RPA3: variants seen among roughly 807,000 people sequenced by gnomAD.
RPA3 encodes the protein replication protein A 14 kDa subunit.
A neutral mutation model predicts 13.7 loss-of-function variants in RPA3; 24 were observed. The ratio of observed to expected loss-of-function variants is 1.75; its 90% confidence interval spans 1.27 to 2.46. RPA3 has a LOEUF of 2.46. Ranked by LOEUF, RPA3 falls within the 30% of genes most tolerant of loss-of-function variation. RPA3 has a pLI of 0.00. For missense variants in RPA3, 183 were observed against 151.0 expected (o/e 1.21, Z -1.11); for synonymous variants, 59 against 51.2 (o/e 1.15, Z -0.65).
intron 4 of RPA3, chr7:7,673,266 C>T: frequency 1.9e-6 from 2 of 1,062,842 alleles, no homozygotes; most frequent in Non-Finnish European, 1.4e-6. Context: ...AAGAGTTTTA[C>T]AGTTGCATCT....
chr7:7,696,172 AT>A (rs1174900010), intron 2 of RPA3, among the ~76,000 whole-genome samples: 2 of 151,602 alleles, frequency 1.3e-5, no homozygotes, highest in Non-Finnish European at 2.9e-5. Context: ...TGCCCAGCTA[AT>A]TTTTTTATTT....
chr7:7,649,650 G>A (rs1046207648), intron 4 of RPA3, among the ~76,000 whole-genome samples: 5 of 151,826 alleles, frequency 3.3e-5, no homozygotes, highest in African/African-American at 1.2e-4. Context: ...ATCAGTCTGT[G>A]TTAATTTGAA....
intron 1 of RPA3, among the ~76,000 whole-genome samples, chr7:7,716,613 GC>G (rs1266256958): frequency 6.6e-6 from 1 of 152,208 alleles, no homozygotes; most frequent in African/African-American, 2.4e-5. Flanking sequence ...CATGGTGCTG[GC>G]CAGGTAGCAA....
chr7:7,681,234 T>C (rs1779904811), intron 4 of RPA3, among the ~76,000 whole-genome samples: 1 of 152,148 alleles, frequency 6.6e-6, no homozygotes, highest in South Asian at 2.1e-4. Flanking sequence ...ATTATCTATT[T>C]TTTTCCACTT....
chr7:7,652,472 A>G (rs1337101426), intron 4 of RPA3, among the ~76,000 whole-genome samples: 2 of 152,250 alleles, frequency 1.3e-5, no homozygotes, highest in Non-Finnish European at 2.9e-5. Flanking sequence ...TTAGACAGCT[A>G]GCAATATTTT....
chr7:7,710,686 A>C (rs1287560037), intron 2 of RPA3, among the ~76,000 whole-genome samples: 1 of 152,242 alleles, frequency 6.6e-6, no homozygotes, highest in African/African-American at 2.4e-5. Context: ...CTCAGCAATT[A>C]CACTTTGGGC....
chr7:7,685,657 A>G lies in RPA3; in HGVS notation c.-758+173T>C, dbSNP rs555621213. Among the ~76,000 whole-genome samples the G allele has an allele frequency of 6.6e-5, 10 of 152,156 alleles. No individual in the cohort carries two copies. The South Asian group carries it at 2.1e-3, about 32-fold the overall frequency. On this transcript the variant is annotated intron_variant, in intron 4 of 7. Coordinates refer to ENST00000223129, the MANE Select transcript of RPA3 (RefSeq NM_002947.5). ...TTCTAAAAAATTTAAGTGTTGGCCC[A>G]CTTGGTTTCTCAAGTTGCCTGCCTG...
rs1047113760 is a variant in RPA3 at position 7,673,686 on chromosome 7, T to C, written c.-758+12144A>G. Among the ~76,000 whole-genome samples the C allele has an allele frequency of 6.1e-5, 9 of 146,942 alleles. No homozygotes were observed. In the East Asian group the frequency reaches 8.2e-4, roughly 13 times the overall value. ...TTGGCTGTGTTCTCCAAGTTAAATGTGTAAAATCACTTCTTTTTCCCCCCC... is the reference window on the plus strand; with the variant it reads ...TTGGCTGTGTTCTCCAAGTTAAATGCGTAAAATCACTTCTTTTTCCCCCCC... On this transcript the variant is annotated intron_variant, in intron 4 of 7. Coordinates refer to ENST00000223129, the MANE Select transcript of RPA3 (RefSeq NM_002947.5).
At chr7:7,701,588 CTG>C (rs1780463443) in intron 2 of RPA3, among the ~76,000 whole-genome samples, 1 of 152,172 alleles carries the variant, frequency 6.6e-6, no homozygotes, top group Non-Finnish European at 1.5e-5. Flanking sequence ...TGCTCTGTGT[CTG>C]TGCTTTTCTG....
intron 4 of RPA3, among the ~76,000 whole-genome samples, chr7:7,654,458 G>C (rs1785295890): frequency 2.0e-5 from 3 of 152,220 alleles, no homozygotes; most frequent in Admixed American, 2.0e-4. Context: ...CTAGGGGATT[G>C]GTTCCAGGAC....
intron 4 of RPA3, among the ~76,000 whole-genome samples, chr7:7,658,112 G>C: frequency 6.6e-6 from 1 of 152,162 alleles, no homozygotes; most frequent in African/African-American, 2.4e-5. Flanking sequence ...CTCTCTGTTT[G>C]TCTATTATTG....
Position 7,636,846 on chromosome 7 carries a change from A to G in RPA3, c.*154T>C, listed in dbSNP as rs1784874767. 1.6e-6 allele frequency: 1 copy of G among 633,688 alleles called. No homozygotes were observed. The highest frequency in any genetic ancestry group is 1.9e-5 in the South Asian group (1 of 52,680). 39.3% of individuals were successfully genotyped at this position (633,688 alleles called of 1,614,324 possible). A position where few individuals can be genotyped will look rare whatever the true frequency, so the allele number is the denominator to read the frequency against. On this transcript the variant is annotated 3_prime_UTR_variant, in exon 8 of 8. Coordinates refer to ENST00000223129, the MANE Select transcript of RPA3 (RefSeq NM_002947.5). ...AAAAGGACTTCGGTGAGAACTGTCA[A>G]TATATCAGTTCCATCAAAAACTCTA...
At chr7:7,710,602 A>C (rs1388166843) in intron 2 of RPA3, among the ~76,000 whole-genome samples, 1 of 152,232 alleles carries the variant, frequency 6.6e-6, no homozygotes, top group African/African-American at 2.4e-5. Context: ...TATTGATGAT[A>C]GGAATGTAAA....
At chr7:7,702,371 A>G (rs1780481055) in intron 2 of RPA3, among the ~76,000 whole-genome samples, 1 of 152,156 alleles carries the variant, frequency 6.6e-6, no homozygotes, top group South Asian at 2.1e-4. Flanking sequence ...TTAATATGAC[A>G]TATTTTATTA....
intron 2 of RPA3, among the ~76,000 whole-genome samples, chr7:7,703,494 C>CA (rs1780519524): frequency 6.6e-6 from 1 of 152,160 alleles, no homozygotes; most frequent in African/African-American, 2.4e-5. Context: ...ATAGCACATA[C>CA]ACATAATTTT....
chr7:7,697,762 A>AT (rs772377260), intron 2 of RPA3, among the ~76,000 whole-genome samples: 4 of 152,064 alleles, frequency 2.6e-5, no homozygotes, highest in Admixed American at 6.6e-5. Context: ...GATTTACTGT[A>AT]TTTTTTCCTT....
intron 2 of RPA3, among the ~76,000 whole-genome samples, chr7:7,700,087 A>G (rs1023866441): frequency 2.0e-5 from 3 of 152,192 alleles, no homozygotes; most frequent in Admixed American, 1.3e-4. Context: ...CTCCTTTAAC[A>G]AAGTGTCATA....
chr7:7,637,681 T>C (rs1784886348), intron 7 of RPA3, among the ~76,000 whole-genome samples, 183 bp downstream of exon 7: 1 of 151,706 alleles, frequency 6.6e-6, no homozygotes, highest in Non-Finnish European at 1.5e-5. Context: ...CTGTATGTTA[T>C]GTAATTACAT....
intron 4 of RPA3, among the ~76,000 whole-genome samples, chr7:7,667,736 G>A (rs972786471): frequency 6.6e-6 from 1 of 152,196 alleles, no homozygotes; most frequent in African/African-American, 2.4e-5. Flanking sequence ...AAATGTATTT[G>A]ACTAACATTG....
Sources: gnomAD v4.1 joint callset for allele counts (sites outside exome capture counted in the v4.1 genomes callset) on GRCh38, gnomAD v4.1.1 for gene constraint, MANE v1.5 for transcripts, NCBI Gene and HGNC (gene_info 2026-07-23, HGNC 2026-07-21) for gene names.